Variants in DNAAF9 observed in about 807,000 individuals in gnomAD.
DNAAF9 encodes shulin.
A neutral mutation model predicts 167.0 loss-of-function variants in DNAAF9; 90 were observed. The ratio of observed to expected loss-of-function variants is 0.54; its 90% CI spans 0.45 to 0.64. The LOEUF (loss-of-function observed/expected upper bound fraction) is 0.64, where lower values mean the gene tolerates loss of function less well. Ranked by LOEUF, DNAAF9 falls within the 30% of genes least tolerant of loss-of-function variation. The probability of loss-of-function intolerance (pLI) is 0.00; values close to 1 mark genes in which losing one functional copy is unlikely to be tolerated. For synonymous variants in DNAAF9, 491 were observed against 508.8 expected (o/e 0.96, Z 0.47); for missense variants, 1,315 against 1,442.2 (o/e 0.91, Z 1.43).
At chr20:3,291,167 C>T (rs2068945122) in intron 25 of DNAAF9, among the ~76,000 whole-genome samples, 1 of 152,098 alleles carries the variant, frequency 6.6e-6, no homozygotes, top group South Asian at 2.1e-4. Flanking sequence ...GCTGAACTGT[C>T]CTAACCTTAT....
chr20:3,316,799 G>A lies in DNAAF9; in HGVS notation c.1469-6C>T, dbSNP rs753939123. ...TTCTGTGGTAACAGTGCCATCTGCA[G>A]GAACACCACACACATGCCAGTTAAT... On this transcript the variant is annotated splice_region_variant and splice_polypyrimidine_tract_variant and intron_variant, in intron 17 of 36. Transcript: ENST00000252032. 1 of 1,610,230 alleles carries A rather than the reference G, an allele frequency of 6.2e-7. No individual in the cohort carries two copies. Among genetic ancestry groups the A allele is most frequent in the South Asian group, 1.1e-5 (1 of 90,926 alleles).
chr20:3,378,149 C>T (rs1268396549), intron 3 of DNAAF9, among the ~76,000 whole-genome samples: 2 of 152,134 alleles, frequency 1.3e-5, no homozygotes, highest in African/African-American at 4.8e-5. Flanking sequence ...TACTTCACTG[C>T]AGAGGTCAAT....
rs201711364 is a variant in DNAAF9, at chr20:3,256,111, G to A, written c.3156C>T (p.Ser1052=). The change falls in exon 34 of 37, where the codon AGC becomes AGT. Residue 1052 remains serine, a synonymous_variant. Coordinates refer to ENST00000252032, the MANE Select transcript of DNAAF9 (RefSeq NM_001009984.3). ...GCTGCCCGCTGCTGTCTTGAGATAC[G>A]CTTTTGGAGTCTGGTGGTGGTGTGG... is the stretch of plus-strand genomic sequence containing the variant. ...EGPTPPPDSK[S]VSQDSSGQQE... 226 of 1,614,130 alleles carry A rather than the reference G, an allele frequency of 1.4e-4. No homozygotes were observed. The African/African-American group carries it at 2.2e-3, about 15-fold the overall frequency.
chr20:3,266,976 CT>C (rs913010456), intron 30 of DNAAF9, among the ~76,000 whole-genome samples: 3 of 151,954 alleles, frequency 2.0e-5, no homozygotes, highest in Non-Finnish European at 4.4e-5. Flanking sequence ...CCTCAGCCTC[CT>C]GAGTAACTGG....
intron 23 of DNAAF9, chr20:3,296,622 C>T: frequency 4.2e-6 from 2 of 477,930 alleles, no homozygotes; most frequent in South Asian, 3.6e-5. Context: ...CTCAATTCAT[C>T]CTCCTGCCTC....
At chr20:3,317,756 C>T (rs536658330) in intron 17 of DNAAF9, among the ~76,000 whole-genome samples, 89 of 152,072 alleles carry the variant, frequency 5.9e-4, no homozygotes, top group African/African-American at 2.1e-3. Flanking sequence ...ACCACCATGC[C>T]CGGCTAATTT....
In DNAAF9 at chr20:3,286,207, G is replaced by A. The variant is rs549467960; in HGVS notation, c.2486+1425C>T. Among the ~76,000 whole-genome samples the A allele has an allele frequency of 3.9e-5, 6 of 152,248 alleles. No homozygotes were observed. The South Asian group carries it at 1.2e-3, about 32-fold the overall frequency. ...CAGCATTTAGCTAGTATTCTGACTG[G>A]AGTCCTCCAGGAAATTGACTAGAGG... is the stretch of plus-strand genomic sequence containing the variant. On this transcript the variant is annotated intron_variant, in intron 27 of 36. Transcript: ENST00000252032.
intron 7 of DNAAF9, among the ~76,000 whole-genome samples, chr20:3,349,659 C>A (rs2070275740): frequency 6.6e-6 from 1 of 152,132 alleles, no homozygotes; most frequent in Non-Finnish European, 1.5e-5. Flanking sequence ...CTCCATTCCC[C>A]ATCCCAGCTG....
intron 20 of DNAAF9, chr20:3,307,188 C>T (rs2069314617): frequency 3.1e-6 from 3 of 981,046 alleles, no homozygotes; most frequent in Admixed American, 6.2e-5. Context: ...GACTCTGAAG[C>T]CTCAAAACAA....
intron 1 of DNAAF9, among the ~76,000 whole-genome samples, chr20:3,391,141 G>C (rs1446833415): frequency 6.6e-6 from 1 of 152,190 alleles, no homozygotes; most frequent in Non-Finnish European, 1.5e-5. Context: ...TCTTCCCAGA[G>C]ATAAACACTG....
chr20:3,363,548 T>A (rs989721256), intron 6 of DNAAF9, among the ~76,000 whole-genome samples: 3 of 146,118 alleles, frequency 2.1e-5, no homozygotes, highest in Non-Finnish European at 3.0e-5. Context: ...TTTTTTTTTT[T>A]AGTTTTAAAA....
chr20:3,320,597 GTTTT>G (rs1218216887), intron 16 of DNAAF9, among the ~76,000 whole-genome samples: 1 of 152,156 alleles, frequency 6.6e-6, no homozygotes, highest in African/African-American at 2.4e-5. Flanking sequence ...ATTTCCCAAT[GTTTT>G]AATGATATCA....
In DNAAF9 at chr20:3,261,908, A is replaced by G. The variant is rs115113399; in HGVS notation, c.2874-1880T>C. The stretch of plus-strand genomic sequence containing the variant: ...AGGGAAGGCAGCAAGGTTTCTGCCC[A>G]AACTAGAAACAAGCTGTTCTACCAG... On this transcript the variant is annotated intron_variant, in intron 31 of 36. Transcript: ENST00000252032. 4.7e-3 allele frequency among the ~76,000 whole-genome samples: 717 copies of G among 152,038 alleles called. 2 individuals are homozygous for G. The highest frequency in any genetic ancestry group is 6.8e-3 in the Middle Eastern group (2 of 292).
At position 3,256,151 on chromosome 20, in the gene DNAAF9, G is replaced by C; in HGVS notation, c.3116C>G (p.Pro1039Arg). Reference protein sequence around the residue: ...NTLANSLSIMPVLEGPTPPPD... With the variant: ...NTLANSLSIMRVLEGPTPPPD... ...TGGTGGTGTGGGTCCTTCCAAAACT[G>C]GCATGATGCTCAAGGAGTTGGCCAG... Residue 1039 changes from proline (P) to arginine (R), a missense_variant, in exon 34 of 37, where the codon CCA becomes CGA. Coordinates refer to ENST00000252032, the MANE Select transcript of DNAAF9 (RefSeq NM_001009984.3). 1 of 1,614,184 alleles carries C rather than the reference G, an allele frequency of 6.2e-7. No individual in the cohort carries two copies. The highest frequency in any genetic ancestry group is 2.2e-5 in the East Asian group (1 of 44,884).
intron 35 of DNAAF9, among the ~76,000 whole-genome samples, chr20:3,254,262 A>G (rs948788661): frequency 3.3e-5 from 5 of 152,024 alleles, no homozygotes; most frequent in Non-Finnish European, 7.4e-5. Context: ...TATTTTTAGT[A>G]CAGACAGGGT....
intron 7 of DNAAF9, among the ~76,000 whole-genome samples, chr20:3,355,386 T>G (rs999354398): frequency 3.3e-5 from 5 of 151,928 alleles, no homozygotes; most frequent in Admixed American, 2.6e-4. Context: ...ACCAGCCTGG[T>G]CAACATGGTA....
At position 3,251,408 on chromosome 20, in the gene DNAAF9, G is replaced by A. The variant is rs2068192510; in HGVS notation, c.*1164C>T. On this transcript the variant is annotated 3_prime_UTR_variant, in exon 37 of 37. Transcript: ENST00000252032. ...GGCAGCTGAGGCACTGAAGTCCTAA[G>A]AGACATCACCTAAATATCAGTGGCT... 6.6e-6 allele frequency: 1 copy of A among 152,140 alleles called. No homozygotes were observed. The highest frequency in any genetic ancestry group is 1.5e-5 in the Non-Finnish European group (1 of 68,030). 9.4% of individuals were successfully genotyped at this position (152,140 alleles called of 1,614,324 possible).
intron 7 of DNAAF9, among the ~76,000 whole-genome samples, chr20:3,351,572 GAGAT>G (rs2070325546): frequency 6.6e-6 from 1 of 151,828 alleles, no homozygotes; most frequent in Non-Finnish European, 1.5e-5. Flanking sequence ...GGGGGACAAA[GAGAT>G]AGAGAAAACC....
intron 22 of DNAAF9, among the ~76,000 whole-genome samples, 182 bp from the exon 23 acceptor site, chr20:3,297,131 AGAATGTCTTTCTGGGTTACTCCCCCAGG>A (rs1237584706): frequency 6.6e-6 from 1 of 152,194 alleles, no homozygotes; most frequent in African/African-American, 2.4e-5. Flanking sequence ...TTTAAAAACC[AGAATGTCTTTCTGGGTTACTCCCCCAGG>A]GATTCTGCTC....
Sources: allele counts gnomAD v4.1 joint callset (sites outside exome capture counted in the v4.1 genomes callset), GRCh38; gene constraint gnomAD v4.1.1; transcripts MANE v1.5; gene names NCBI Gene and HGNC (gene_info 2026-07-23, HGNC 2026-07-21).